The following NRG1 variants were observed in gnomAD, a reference collection of about 807,000 sequenced individuals.
NRG1 encodes pro-neuregulin-1, membrane-bound isoform.
NRG1 carries 18 observed loss-of-function variants against 63.8 expected under a neutral mutation model. That is an observed-to-expected ratio of 0.28 (90% CI 0.19 to 0.42). The LOEUF is 0.42. NRG1 is among the 10% of genes least tolerant of loss of function. NRG1 has a pLI of 1.00. For missense variants in NRG1, 762 were observed against 814.7 expected (o/e 0.94, Z 0.79); for synonymous variants, 302 against 301.3 (o/e 1.00, Z -0.02).
At chr8:32,126,902 G>A (rs1006886548) in intron 1 of NRG1, among the ~76,000 whole-genome samples, 3 of 151,748 alleles carry the variant, frequency 2.0e-5, no homozygotes, top group Admixed American at 1.3e-4. Context: ...GACATGGGGG[G>A]AAGAGCTCTA....
chr8:31,786,311 A>G (rs764249854), intron 1 of NRG1, among the ~76,000 whole-genome samples: 1 of 152,210 alleles, frequency 6.6e-6, no homozygotes, highest in African/African-American at 2.4e-5. Flanking sequence ...AAACTAAACC[A>G]AAGTGTCTTT....
At chr8:31,754,041 G>A (rs1816732005) in intron 1 of NRG1, among the ~76,000 whole-genome samples, 1 of 151,994 alleles carries the variant, frequency 6.6e-6, no homozygotes, top group South Asian at 2.1e-4. Context: ...CAATATAAGT[G>A]GCAGAAGCAA....
At chr8:32,176,914 G>C (rs1056504990) in intron 1 of NRG1, among the ~76,000 whole-genome samples, 1 of 152,160 alleles carries the variant, frequency 6.6e-6, no homozygotes, top group Non-Finnish European at 1.5e-5. Flanking sequence ...GTGGAAGTCA[G>C]TGTGGCGATT....
intron 1 of NRG1, among the ~76,000 whole-genome samples, chr8:32,456,395 T>C (rs1259174111): frequency 6.6e-6 from 1 of 152,164 alleles, no homozygotes; most frequent in Non-Finnish European, 1.5e-5. Flanking sequence ...AATTGACCCT[T>C]GAACAACACA....
At chr8:32,726,716 G>A (rs112290782) in intron 5 of NRG1, among the ~76,000 whole-genome samples, 4 of 152,080 alleles carry the variant, frequency 2.6e-5, no homozygotes, top group South Asian at 2.1e-4. Flanking sequence ...GTAGACTTTC[G>A]AAGGAAATGA....
intron 1 of NRG1, among the ~76,000 whole-genome samples, chr8:31,995,668 C>T (rs1257626544): frequency 6.6e-6 from 1 of 151,916 alleles, no homozygotes; most frequent in African/African-American, 2.4e-5. Context: ...TGTCCTATTT[C>T]CATGTCTTGT....
At chr8:31,840,280 G>A (rs953986106) in intron 1 of NRG1, among the ~76,000 whole-genome samples, 7 of 150,560 alleles carry the variant, frequency 4.6e-5, no homozygotes, top group African/African-American at 7.3e-5. Flanking sequence ...GAGATGGCCC[G>A]AGTGCAGGCT....
chr8:32,731,171 G>A (rs529473105), intron 6 of NRG1, among the ~76,000 whole-genome samples: 6 of 152,206 alleles, frequency 3.9e-5, no homozygotes, highest in East Asian at 1.9e-4. Flanking sequence ...ATGCAATCGC[G>A]TAAGTGCTGT....
intron 1 of NRG1, among the ~76,000 whole-genome samples, chr8:32,401,080 G>A (rs1237118336): frequency 1.3e-5 from 2 of 152,086 alleles, no homozygotes; most frequent in African/African-American, 4.8e-5. Context: ...TCATAAGTGG[G>A]AACTAAACAA....
At chr8:32,471,588 C>A (rs534002157) in intron 1 of NRG1, among the ~76,000 whole-genome samples, 1 of 151,868 alleles carries the variant, frequency 6.6e-6, no homozygotes, top group African/African-American at 2.4e-5. Context: ...TAGTAAGAGA[C>A]AATAAACATA....
At chr8:31,660,001 C>G (rs1301001190) in intron 1 of NRG1, among the ~76,000 whole-genome samples, 2 of 152,150 alleles carry the variant, frequency 1.3e-5, no homozygotes, top group African/African-American at 4.8e-5. Flanking sequence ...GAAACTGTCT[C>G]AGAGGGGTTA....
Position 31,932,369 on chromosome 8 carries a change from C to T in NRG1, c.37+292938C>T, listed in dbSNP as rs148544039. Among the ~76,000 whole-genome samples, 983 of 152,190 alleles carry T rather than the reference C, an allele frequency of 6.5e-3. 13 individuals carry two copies. Among genetic ancestry groups the T allele is most frequent in the African/African-American group, 0.023 (941 of 41,504 alleles). On this transcript the variant is annotated intron_variant, in intron 1 of 10. Transcript: ENST00000519301. Reference sequence around the variant, plus strand: ...GATGTATCTTATAGAATCAGCTACCCGACAATATTGTCAAAAAGAGAAGCA... The same window carrying T: ...GATGTATCTTATAGAATCAGCTACCTGACAATATTGTCAAAAAGAGAAGCA...
chr8:32,156,206 A>G (rs568017011), intron 1 of NRG1, among the ~76,000 whole-genome samples: 1 of 152,182 alleles, frequency 6.6e-6, no homozygotes, highest in Non-Finnish European at 1.5e-5. Context: ...CAGGTTTGGC[A>G]GTTCCCCGGG....
intron 1 of NRG1, among the ~76,000 whole-genome samples, chr8:32,195,158 C>G (rs1437652547): frequency 6.6e-6 from 1 of 152,084 alleles, no homozygotes; most frequent in Non-Finnish European, 1.5e-5. Context: ...TCAAAAGCCA[C>G]TGAGCAGGCT....
At chr8:32,647,942 A>G in intron 5 of NRG1, 4 of 1,614,028 alleles carry the variant, frequency 2.5e-6, no homozygotes, top group Non-Finnish European at 3.4e-6. Flanking sequence ...ACTCAGAGAA[A>G]ATCTGCATTG....
chr8:31,774,746 A>G (rs976901940), intron 1 of NRG1, among the ~76,000 whole-genome samples: 1 of 152,206 alleles, frequency 6.6e-6, no homozygotes, highest in Non-Finnish European at 1.5e-5. Context: ...ACAACAAAAA[A>G]CAATCCCATT....
At chr8:32,137,898 C>T (rs1835757307) in intron 1 of NRG1, among the ~76,000 whole-genome samples, 1 of 152,112 alleles carries the variant, frequency 6.6e-6, no homozygotes, top group South Asian at 2.1e-4. Flanking sequence ...AGTTCTTCTG[C>T]CAAAAGCAGC....
Position 31,640,924 on chromosome 8 carries a change from T to C in NRG1, c.37+1493T>C, listed in dbSNP as rs926592680. ...TTCTCCAGCTTCCCTTGTCTTAGGC[T>C]TTGCCACTGGAGAAAGCCCAAGTTT... On this transcript the variant is annotated intron_variant, in intron 1 of 10. Transcript: ENST00000519301. The surrounding 1 kb of genome is among the most constrained non-coding windows in gnomAD (Gnocchi z 6.3). Among the ~76,000 whole-genome samples the C allele has an allele frequency of 2.6e-5, 4 of 152,224 alleles. No individual in the cohort carries two copies. The highest frequency in any genetic ancestry group is 9.6e-5 in the African/African-American group (4 of 41,462).
At chr8:32,433,141 G>C (rs542641437) in intron 1 of NRG1, among the ~76,000 whole-genome samples, 13 of 152,194 alleles carry the variant, frequency 8.5e-5, no homozygotes, top group African/African-American at 3.1e-4. Flanking sequence ...CAGTGGGCTG[G>C]GTAGGACATA....
Sources: allele counts gnomAD v4.1 joint callset (sites outside exome capture counted in the v4.1 genomes callset), GRCh38; gene constraint gnomAD v4.1.1; non-coding constraint Gnocchi (gnomAD v3.1); transcripts MANE v1.5; gene names NCBI Gene and HGNC (gene_info 2026-07-23, HGNC 2026-07-21).